ADGRL3: variants seen among roughly 807,000 people sequenced by gnomAD.
ADGRL3 encodes adhesion G protein-coupled receptor L3, also known as calcium-independent alpha-latrotoxin receptor 3.
In ADGRL3, 62 loss-of-function variants were observed where a neutral mutation model predicts 153.5. That is an observed-to-expected ratio of 0.40 (90% CI 0.33 to 0.50). The LOEUF (loss-of-function observed/expected upper bound fraction) is 0.50. ADGRL3 is among the 20% of genes least tolerant of loss of function. The pLI, the probability that ADGRL3 is intolerant of heterozygous loss-of-function variation, is 0.47. For synonymous variants in ADGRL3, 710 were observed against 672.5 expected (o/e 1.06, Z -0.86); for missense variants, 1,641 against 1,859.4 (o/e 0.88, Z 2.16).
At chr4:61,583,654 T>A (rs769387364) in intron 4 of ADGRL3, 1 of 518,282 alleles carries the variant, frequency 1.9e-6, no homozygotes, top group South Asian at 1.4e-5. Context: ...TTATCAGAGA[T>A]GTTTAATTAG....
chr4:61,581,389 T>C (rs1045679808), intron 4 of ADGRL3, among the ~76,000 whole-genome samples: 11 of 152,124 alleles, frequency 7.2e-5, no homozygotes, highest in Admixed American at 4.6e-4. Flanking sequence ...GGTGTGTTTT[T>C]CACTATTATA....
chr4:61,374,884 T>C (rs1300436011), intron 1 of ADGRL3, among the ~76,000 whole-genome samples: 2 of 152,094 alleles, frequency 1.3e-5, no homozygotes, highest in Non-Finnish European at 2.9e-5. Flanking sequence ...TTTTTTTTAA[T>C]GACCAGAGGA....
intron 8 of ADGRL3, among the ~76,000 whole-genome samples, chr4:61,754,889 G>A (rs932707827): frequency 1.3e-5 from 2 of 151,986 alleles, no homozygotes; most frequent in Admixed American, 6.6e-5. Context: ...TTATTCTTGC[G>A]ATAGTTTGCT....
At chr4:61,392,340 G>A (rs939113310) in intron 2 of ADGRL3, among the ~76,000 whole-genome samples, 2 of 151,888 alleles carry the variant, frequency 1.3e-5, no homozygotes, top group Non-Finnish European at 1.5e-5. Context: ...TAAAGCTCAC[G>A]TCAAGTGCCC....
At chr4:62,034,134 C>T (rs1260197725) in intron 23 of ADGRL3, among the ~76,000 whole-genome samples, 1 of 151,586 alleles carries the variant, frequency 6.6e-6, no homozygotes, top group East Asian at 1.9e-4. Flanking sequence ...TATATGTCAT[C>T]AAGTTCAATT....
chr4:61,527,385 G>T (rs1220275434), intron 4 of ADGRL3, among the ~76,000 whole-genome samples: 1 of 151,916 alleles, frequency 6.6e-6, no homozygotes. Flanking sequence ...CAAATTCTTT[G>T]TCATCCTTAA....
Position 61,729,814 on chromosome 4 carries a change from T to C in ADGRL3, c.584-808T>C, listed in dbSNP as rs75549694. Reference sequence around the variant, plus strand: ...GTATTGGTCAGTACCTTAAAAATAATTATGGAATTTAATTTGAAATGTATA... The same window carrying C: ...GTATTGGTCAGTACCTTAAAAATAACTATGGAATTTAATTTGAAATGTATA... On this transcript the variant is annotated intron_variant, in intron 6 of 26. Coordinates refer to ENST00000683033, the MANE Select transcript of ADGRL3 (RefSeq NM_001387552.1). Among the ~76,000 whole-genome samples the C allele has an allele frequency of 8.6e-4, 131 of 152,158 alleles. 5 individuals are homozygous for C. The East Asian group carries it at 0.025, about 29-fold the overall frequency.
intron 2 of ADGRL3, among the ~76,000 whole-genome samples, chr4:61,430,830 T>C (rs1047273067): frequency 6.6e-6 from 1 of 152,178 alleles, no homozygotes; most frequent in African/African-American, 2.4e-5. Context: ...GATATGCTGA[T>C]ATCAGAATAT....
At chr4:61,397,664 A>G (rs751506099) in intron 2 of ADGRL3, among the ~76,000 whole-genome samples, 1 of 151,890 alleles carries the variant, frequency 6.6e-6, no homozygotes, top group African/African-American at 2.4e-5. Flanking sequence ...TAATTGCTTC[A>G]TATGAATACC....
At chr4:62,032,128 T>G (rs1429287748) in intron 23 of ADGRL3, among the ~76,000 whole-genome samples, 2 of 151,528 alleles carry the variant, frequency 1.3e-5, no homozygotes, top group Non-Finnish European at 3.0e-5. Flanking sequence ...TTATATTTTT[T>G]GAATGAATGA....
At chr4:61,882,858 C>A (rs538033883) in intron 9 of ADGRL3, among the ~76,000 whole-genome samples, 227 of 152,326 alleles carry the variant, frequency 1.5e-3, no homozygotes, top group Middle Eastern at 0.01. Context: ...ATAATCCCAG[C>A]ACTTTGGGAG....
At chr4:61,607,718 CTA>C (rs1465986614) in intron 5 of ADGRL3, among the ~76,000 whole-genome samples, 4 of 152,216 alleles carry the variant, frequency 2.6e-5, no homozygotes, top group Non-Finnish European at 5.9e-5. Flanking sequence ...ATTATAAAAA[CTA>C]TGCCTACATT....
intron 1 of ADGRL3, among the ~76,000 whole-genome samples, chr4:61,203,059 G>T (rs1394283246): frequency 3.3e-5 from 5 of 152,196 alleles, no homozygotes; most frequent in African/African-American, 1.2e-4. Flanking sequence ...CGTGCGGCGC[G>T]TGAGAGTCGC....
intron 2 of ADGRL3, among the ~76,000 whole-genome samples, chr4:61,399,309 A>C (rs1197073230): frequency 1.3e-5 from 2 of 151,708 alleles, no homozygotes; most frequent in African/African-American, 4.8e-5. Context: ...ATTAATATTA[A>C]TTAGTAAAGT....
intron 4 of ADGRL3, among the ~76,000 whole-genome samples, chr4:61,552,606 G>T (rs775023650): frequency 1.4e-4 from 21 of 151,958 alleles, no homozygotes; most frequent in Non-Finnish European, 2.4e-4. Context: ...TGACATCAGG[G>T]GTGTGTGCCA....
At chr4:61,679,358 AG>A (rs2095284414) in intron 6 of ADGRL3, among the ~76,000 whole-genome samples, 1 of 152,062 alleles carries the variant, frequency 6.6e-6, no homozygotes, top group African/African-American at 2.4e-5. Context: ...TGAGATTTGG[AG>A]GGGACACACA....
At chr4:61,260,638 T>C (rs2092433553) in intron 1 of ADGRL3, among the ~76,000 whole-genome samples, 1 of 152,204 alleles carries the variant, frequency 6.6e-6, no homozygotes, top group Admixed American at 6.5e-5. Context: ...TATGCATCAA[T>C]ACATAGAAAT....
Position 61,979,804 on chromosome 4 carries a change from T to C in ADGRL3, c.3015+32T>C, listed in dbSNP as rs535330736. 1.3e-5 allele frequency: 21 copies of C among 1,572,704 alleles called. No individual in the cohort carries two copies. In the East Asian group the frequency reaches 4.7e-4, roughly 35 times the overall value. On this transcript the variant is annotated intron_variant, in intron 18 of 26. Coordinates refer to ENST00000683033, the MANE Select transcript of ADGRL3 (RefSeq NM_001387552.1). ...AACCTACATTGATACCAGTGAAGAA[T>C]TTTTCCACTTCCAGCTTTTCAGTAG...
chr4:61,466,465 TTGTC>T (rs1358099165), intron 2 of ADGRL3, among the ~76,000 whole-genome samples: 4 of 152,220 alleles, frequency 2.6e-5, no homozygotes, highest in Non-Finnish European at 5.9e-5. Context: ...AAATTATACT[TTGTC>T]TGGTTTGCTA....
Sources: gnomAD v4.1 joint callset for allele counts (sites outside exome capture counted in the v4.1 genomes callset) on GRCh38, gnomAD v4.1.1 for gene constraint, MANE v1.5 for transcripts, NCBI Gene and HGNC (gene_info 2026-07-23, HGNC 2026-07-21) for gene names.